ZBTB49: variants seen among roughly 807,000 people sequenced by gnomAD.
The protein encoded by ZBTB49 is zinc finger and BTB domain-containing protein 49.
ZBTB49 carries 43 observed loss-of-function variants against 57.5 expected under a neutral mutation model. The ratio of observed to expected loss-of-function variants is 0.75; its 90% CI spans 0.59 to 0.97. The LOEUF is 0.97. Among genes scored for constraint, ZBTB49 ranks in the 50% least tolerant of loss-of-function variants. ZBTB49 has a pLI of 0.00. For missense variants in ZBTB49, 938 were observed against 947.7 expected, an observed-to-expected ratio of 0.99 and a Z score of 0.13; for synonymous variants, 369 against 362.1, an observed-to-expected ratio of 1.02 and a Z score of -0.22.
intron 3 of ZBTB49, among the ~76,000 whole-genome samples, chr4:4,305,353 T>A (rs1179596600): frequency 6.6e-6 from 1 of 152,144 alleles, no homozygotes; most frequent in East Asian, 1.9e-4. Flanking sequence ...ATGAAACCAT[T>A]TGATTTCAGG....
chr4:4,299,802 TGTGTGTGTGAGAGA>T, intron 1 of ZBTB49, 111 bp from the exon 2 acceptor site: 3 of 735,398 alleles, frequency 4.1e-6, no homozygotes, highest in South Asian at 3.5e-5. Context: ...TGTGTGTGTG[TGTGTGTGTGAGAGA>T]GAAACTGTGA....
At chr4:4,305,567 T>G (rs1003704945) in intron 3 of ZBTB49, among the ~76,000 whole-genome samples, 1 of 152,198 alleles carries the variant, frequency 6.6e-6, no homozygotes, top group Non-Finnish European at 1.5e-5. Flanking sequence ...TTATTGAAAT[T>G]AGAGGTGATA....
rs1017842075 is a variant in ZBTB49, at chr4:4,321,269, G to A, written c.2251G>A (p.Gly751Arg). The A allele has an allele frequency of 6.2e-7, 1 of 1,613,888 alleles. No individual in the cohort carries two copies. The highest frequency in any genetic ancestry group is 8.5e-7 in the Non-Finnish European group (1 of 1,180,046). ...GQFFSSMTLW[G>R]LAMKTLQNEN... ...GTTTTTCTCCAGCATGACTCTCTGGGGGCTAGCGATGAAGACGCTGCAGAA... is the reference window on the plus strand; with the variant it reads ...GTTTTTCTCCAGCATGACTCTCTGGAGGCTAGCGATGAAGACGCTGCAGAA... The change falls in exon 8 of 8, where the codon GGG (glycine) becomes AGG (arginine). Residue 751 changes from glycine to arginine, a missense_variant. Gly to Arg is a moderately radical substitution (Grantham distance 125, BLOSUM62 -2). Coordinates refer to ENST00000337872, the MANE Select transcript of ZBTB49 (RefSeq NM_145291.4).
chr4:4,290,733 C>T (rs1719855170), intron 1 of ZBTB49, among the ~76,000 whole-genome samples: 1 of 152,256 alleles, frequency 6.6e-6, no homozygotes, highest in African/African-American at 2.4e-5. Flanking sequence ...GCTTCTGTTT[C>T]CTTCCACGCT....
At chr4:4,297,773 CAAAAAAA>C (rs554296344) in intron 1 of ZBTB49, among the ~76,000 whole-genome samples, 2 of 115,724 alleles carry the variant, frequency 1.7e-5, no homozygotes, top group African/African-American at 3.5e-5. Flanking sequence ...GATCCTGTTT[CAAAAAAA>C]AAAAAAAAAA....
chr4:4,291,829 A>C (rs1719942873), intron 1 of ZBTB49, among the ~76,000 whole-genome samples: 1 of 152,192 alleles, frequency 6.6e-6, no homozygotes, highest in Non-Finnish European at 1.5e-5. Context: ...TGCTTCCTCC[A>C]TTTAATAACT....
chr4:4,292,264 G>A (rs961689862), intron 1 of ZBTB49, among the ~76,000 whole-genome samples: 2 of 152,174 alleles, frequency 1.3e-5, no homozygotes, highest in Admixed American at 6.6e-5. Flanking sequence ...CTGGTCAACT[G>A]AGCAAGACTG....
At chr4:4,318,626 AC>A (rs1226511139) in intron 7 of ZBTB49, among the ~76,000 whole-genome samples, 1 of 152,224 alleles carries the variant, frequency 6.6e-6, no homozygotes, top group African/African-American at 2.4e-5. Context: ...AAACAAAAAA[AC>A]AAAAAAGATA....
chr4:4,291,529 A>G (rs1020498873), intron 1 of ZBTB49, among the ~76,000 whole-genome samples: 2 of 152,232 alleles, frequency 1.3e-5, no homozygotes, highest in Admixed American at 6.5e-5. Context: ...ATTCACAGAA[A>G]TGGACAAGGA....
intron 5 of ZBTB49, among the ~76,000 whole-genome samples, chr4:4,313,832 G>A (rs999527712): frequency 7.9e-5 from 12 of 152,330 alleles, no homozygotes; most frequent in Admixed American, 2.6e-4. Flanking sequence ...TGCCAGTCAC[G>A]AAGCTCTGTA....
In ZBTB49 at chr4:4,302,267, C is replaced by T. The variant is rs762603501; in HGVS notation, c.431C>T (p.Ala144Val). ...LSLQSTLTPD[A>V]TCVISENYPP... Reference sequence around the variant, plus strand: ...CTACAAAGCACCCTGACCCCAGATGCCACTTGTGTTATCAGTGAAAACTAC... The same window carrying T: ...CTACAAAGCACCCTGACCCCAGATGTCACTTGTGTTATCAGTGAAAACTAC... The change falls in exon 3 of 8, where the codon GCC (alanine) becomes GTC (valine). Residue 144 changes from alanine to valine, a missense_variant. Physicochemically the swap from Ala to Val is moderately conservative, Grantham distance 64. Coordinates refer to ENST00000337872, the MANE Select transcript of ZBTB49 (RefSeq NM_145291.4). The T allele has an allele frequency of 6.2e-7, 1 of 1,614,050 alleles. No homozygotes were observed. Among genetic ancestry groups the T allele is most frequent in the Non-Finnish European group, 8.5e-7 (1 of 1,179,990 alleles).
intron 7 of ZBTB49, among the ~76,000 whole-genome samples, chr4:4,317,827 T>G (rs1721250958): frequency 1.3e-5 from 2 of 152,208 alleles, no homozygotes; most frequent in African/African-American, 2.4e-5. Flanking sequence ...AGCATTTCAC[T>G]GCGCTTTCCG....
chr4:4,312,638 A>T (rs936710342), intron 4 of ZBTB49, among the ~76,000 whole-genome samples: 3 of 152,228 alleles, frequency 2.0e-5, no homozygotes, highest in African/African-American at 7.2e-5. Context: ...TGAAATAAGG[A>T]CGTATGGTGC....
At chr4:4,293,290 T>C (rs957996545) in intron 1 of ZBTB49, among the ~76,000 whole-genome samples, 1 of 152,236 alleles carries the variant, frequency 6.6e-6, no homozygotes, top group Admixed American at 6.5e-5. Context: ...TTCTGCTCCT[T>C]CTCTCACGCT....
rs1721390009 is a variant in ZBTB49, at chr4:4,320,971, C to T, written c.1953C>T (p.Ser651=). 2 of 1,614,110 alleles carry T rather than the reference C, an allele frequency of 1.2e-6. No homozygotes were observed. Among genetic ancestry groups the T allele is most frequent in the Non-Finnish European group, 8.5e-7 (1 of 1,180,052 alleles). The change falls in exon 8 of 8, where the codon TCC becomes TCT. Residue 651 remains serine, a synonymous_variant. Transcript: ENST00000337872. The part of the protein sequence containing the change: ...VAEFDSHSGG[S]YCKLRSMIQP... ...AATTTGATAGCCACTCTGGCGGCTCCTATTGTAAGTTACGGTCCATGATCC... is the reference window on the plus strand; with the variant it reads ...AATTTGATAGCCACTCTGGCGGCTCTTATTGTAAGTTACGGTCCATGATCC...
At chr4:4,297,668 C>G (rs1720274594) in intron 1 of ZBTB49, among the ~76,000 whole-genome samples, 1 of 151,594 alleles carries the variant, frequency 6.6e-6, no homozygotes, top group South Asian at 2.1e-4. Flanking sequence ...TGCCTGTAGT[C>G]ACAGTTGTGG....
chr4:4,296,843 A>G (rs2980167), intron 1 of ZBTB49, among the ~76,000 whole-genome samples: 109,315 of 152,012 alleles, frequency 0.72, 41,464 homozygotes, highest in Non-Finnish European at 0.83. Flanking sequence ...AGGAGCCACC[A>G]AAGGACAGGG....
At position 4,302,076 on chromosome 4, in the gene ZBTB49, C is replaced by T. The variant is rs200625388; in HGVS notation, c.240C>T (p.Asp80=). The T allele has an allele frequency of 1.2e-6, 2 of 1,613,856 alleles. No homozygotes were observed. Among genetic ancestry groups the T allele is most frequent in the East Asian group, 2.2e-5 (1 of 44,878 alleles). Residue 80 remains aspartate (D), a synonymous_variant, in exon 3 of 8, where the codon GAC becomes GAT. Coordinates refer to ENST00000337872, the MANE Select transcript of ZBTB49 (RefSeq NM_145291.4). ...KNVSGIGQIL[D]FMYTSHLDLN... is the part of the protein sequence containing the mutation. ...TCAGTGGCATAGGGCAGATCCTGGACTTCATGTACACTTCTCATCTAGATC... is the reference window on the plus strand; with the variant it reads ...TCAGTGGCATAGGGCAGATCCTGGATTTCATGTACACTTCTCATCTAGATC...
rs1720574772 is a variant in ZBTB49, at chr4:4,303,042, AC to A, written c.1208del (p.Pro403LeufsTer92). The A allele has an allele frequency of 6.2e-7, 1 of 1,612,342 alleles. No homozygotes were observed. The highest frequency in any genetic ancestry group is 8.5e-7 in the Non-Finnish European group (1 of 1,179,198). On this transcript the variant is annotated frameshift_variant, in exon 3 of 8. Coordinates refer to ENST00000337872, the MANE Select transcript of ZBTB49 (RefSeq NM_145291.4). LOFTEE classifies it high-confidence loss of function. Reference sequence around the variant, plus strand: ...AATACGCGTGTGAATTATGCGGGAAACCTTTTAAACACCCAAGCAACTTGGA... The same window carrying A: ...AATACGCGTGTGAATTATGCGGGAAACTTTTAAACACCCAAGCAACTTGGA... ...RQYACELCGK[P>X]FKHPSNLELH...
Sources: allele counts gnomAD v4.1 joint callset (sites outside exome capture counted in the v4.1 genomes callset), GRCh38; gene constraint gnomAD v4.1.1; transcripts MANE v1.5; gene names NCBI Gene and HGNC (gene_info 2026-07-23, HGNC 2026-07-21).